Variants in MC2R observed in about 807,000 individuals in gnomAD.
MC2R encodes melanocortin 2 receptor, also known as adrenocorticotropic hormone receptor.
In MC2R, 9 loss-of-function variants were observed where a neutral mutation model predicts 9.8. The observed-to-expected ratio is 0.92, with a 90% CI of 0.55 to 1.60. MC2R has a LOEUF of 1.60. Among genes scored for constraint, MC2R ranks in the 40% most tolerant of loss-of-function variants. The pLI is 0.00. For missense variants in MC2R, 370 were observed against 389.0 expected, an observed-to-expected ratio of 0.95 and a Z score of 0.41; for synonymous variants, 185 against 154.7, an observed-to-expected ratio of 1.20 and a Z score of -1.45.
rs2045254560 is a variant in MC2R, at chr18:13,883,915, A to G, written c.*710T>C. 6.5e-6 allele frequency: 1 copy of G among 154,152 alleles called. No individual in the cohort carries two copies. Among genetic ancestry groups the G allele is most frequent in the African/African-American group, 2.4e-5 (1 of 41,464 alleles). The allele number at this position is 154,152 out of a possible 1,614,324, so 9.5% of individuals were successfully genotyped here. ...CAGTGGGATACTGAGTGAGCAAAGAAGACTAACAGAGAAGGTCCATTTATC... is the reference window on the plus strand; with the variant it reads ...CAGTGGGATACTGAGTGAGCAAAGAGGACTAACAGAGAAGGTCCATTTATC... On this transcript the variant is annotated 3_prime_UTR_variant, in exon 2 of 2. Transcript: ENST00000327606.
chr18:13,885,116 C>A lies in MC2R; in HGVS notation c.403G>T (p.Ala135Ser), dbSNP rs764887426. 9 of 1,614,068 alleles carry A rather than the reference C, an allele frequency of 5.6e-6. No homozygotes were observed. The South Asian group carries it at 9.9e-5, about 18-fold the overall frequency. ...GTCACGATGCTGTGGTACCGCAGTG[C>A]GTGGAAGATGGTGATGTAGCGGTCC... Reference protein sequence around the residue: ...AADRYITIFHALRYHSIVTMR... With the variant: ...AADRYITIFHSLRYHSIVTMR... Residue 135 changes from alanine to serine, a missense_variant, in exon 2 of 2, where the codon GCA becomes TCA. Coordinates refer to ENST00000327606, the MANE Select transcript of MC2R (RefSeq NM_000529.2).
At position 13,884,683 on chromosome 18, in the gene MC2R, C is replaced by A. The variant is rs781388223; in HGVS notation, c.836G>T (p.Arg279Leu). The A allele has an allele frequency of 2.3e-5, 37 of 1,614,038 alleles. No homozygotes were observed. Among genetic ancestry groups the A allele is most frequent in the Non-Finnish European group, 3.0e-5 (35 of 1,180,024 alleles). ...AVIDPFIYAF[R>L]SPELRDAFKK... ...GAATGCGTCCCTGAGCTCTGGGCTC[C>A]GGAAGGCATATATGAAGGGGTCAAT... Residue 279 changes from arginine to leucine, a missense_variant, in exon 2 of 2, where the codon CGG becomes CTG. Coordinates refer to ENST00000327606, the MANE Select transcript of MC2R (RefSeq NM_000529.2).
Position 13,884,472 on chromosome 18 carries a change from C to A in MC2R, c.*153G>T. ...CTACAATAAGACTGTTCACATAGAA[C>A]CTAGCTATTAGAAACACTAGCTGGT... On this transcript the variant is annotated 3_prime_UTR_variant, in exon 2 of 2. Transcript: ENST00000327606. 1 of 818,540 alleles carries A rather than the reference C, an allele frequency of 1.2e-6. No individual in the cohort carries two copies. The highest frequency in any genetic ancestry group is 2.0e-6 in the Non-Finnish European group (1 of 488,990). The allele number at this position is 818,540 out of a possible 1,614,324, so 50.7% of individuals were successfully genotyped here. A position where few individuals can be genotyped will look rare whatever the true frequency, so the allele number is the denominator to read the frequency against.
intron 1 of MC2R, among the ~76,000 whole-genome samples, chr18:13,893,320 T>A (rs545223875): frequency 1.3e-5 from 2 of 152,340 alleles, no homozygotes; most frequent in South Asian, 4.1e-4. Context: ...GTATTGATAG[T>A]GAAAGTCAGA....
In MC2R at chr18:13,911,800, T is replaced by C. The variant is rs1405287698; in HGVS notation, c.-129+3688A>G. On this transcript the variant is annotated intron_variant, in intron 1 of 1. Transcript: ENST00000327606. Reference sequence around the variant, plus strand: ...GATCTTTTGGGGGCTTTAATCCAAGTAATCACTTAAAGAATTGGCAGTTTT... The same window carrying C: ...GATCTTTTGGGGGCTTTAATCCAAGCAATCACTTAAAGAATTGGCAGTTTT... Among the ~76,000 whole-genome samples, 5 of 152,300 alleles carry C rather than the reference T, an allele frequency of 3.3e-5. No homozygotes were observed. In the East Asian group the frequency reaches 9.6e-4, roughly 29 times the overall value.
intron 1 of MC2R, among the ~76,000 whole-genome samples, chr18:13,899,843 A>G (rs2045368351): frequency 6.6e-6 from 1 of 152,188 alleles, no homozygotes; most frequent in African/African-American, 2.4e-5. Flanking sequence ...GAACTGTTCT[A>G]CAAGAAATGC....
In MC2R at chr18:13,882,914, A is replaced by C. The variant is rs2045241915; in HGVS notation, c.*1711T>G. The C allele has an allele frequency of 6.6e-6, 1 of 152,232 alleles. No homozygotes were observed. Among genetic ancestry groups the C allele is most frequent in the African/African-American group, 2.4e-5 (1 of 41,468 alleles). The allele number at this position is 152,232 out of a possible 1,614,324, so 9.4% of individuals were successfully genotyped here. On this transcript the variant is annotated 3_prime_UTR_variant, in exon 2 of 2. Coordinates refer to ENST00000327606, the MANE Select transcript of MC2R (RefSeq NM_000529.2). ...TCATTTGGCAGGGGAAGGATCAAAC[A>C]GGGAAGGATTTCTACAGAACAGAGG...
rs188595348 is a variant in MC2R, at chr18:13,887,343, G to A, written c.-128-1697C>T. Among the ~76,000 whole-genome samples the A allele has an allele frequency of 1.7e-3, 198 of 118,908 alleles. 7 individuals are homozygous for A. The South Asian group carries it at 0.049, about 29-fold the overall frequency. 78.0% of individuals were successfully genotyped at this position (118,908 alleles called of 152,430 possible). ...CTCAGGGATGGCAGGGGAAGCCTGT[G>A]TGCTGTGTCCCACCTGCTGGGGAAG... On this transcript the variant is annotated intron_variant, in intron 1 of 1. Transcript: ENST00000327606.
rs1302560325 is a variant in MC2R at position 13,882,848 on chromosome 18, CAT to C, written c.*1775_*1776del. The C allele has an allele frequency of 6.6e-6, 1 of 152,168 alleles. No individual in the cohort carries two copies. The highest frequency in any genetic ancestry group is 6.5e-5 in the Admixed American group (1 of 15,278). The allele number at this position is 152,168 out of a possible 1,614,324, so 9.4% of individuals were successfully genotyped here. A position where few individuals can be genotyped will look rare whatever the true frequency, so the allele number is the denominator to read the frequency against. The stretch of plus-strand genomic sequence containing the variant: ...ATGAAAAATTAACTTATATATATCT[CAT>C]ATATTAATTAATACAGGTTAGTATT... On this transcript the variant is annotated 3_prime_UTR_variant, in exon 2 of 2. Transcript: ENST00000327606.
intron 1 of MC2R, among the ~76,000 whole-genome samples, chr18:13,886,414 G>T (rs1434230262): frequency 1.3e-5 from 2 of 152,180 alleles, no homozygotes. Flanking sequence ...AACAGCAGCG[G>T]TGCCCTTGAT....
intron 1 of MC2R, among the ~76,000 whole-genome samples, chr18:13,888,086 T>G (rs1011376338): frequency 4.0e-5 from 6 of 151,168 alleles, no homozygotes; most frequent in Non-Finnish European, 7.4e-5. Flanking sequence ...ATTTCCAATT[T>G]CAGATGCATT....
intron 1 of MC2R, among the ~76,000 whole-genome samples, chr18:13,907,871 G>A (rs2045422439): frequency 6.6e-6 from 1 of 151,976 alleles, no homozygotes; most frequent in African/African-American, 2.4e-5. Context: ...ATCCAAAAAC[G>A]GGCGATATCG....
chr18:13,885,794 C>T (rs1178001536), intron 1 of MC2R, 148 bp from the exon 2 acceptor site: 5 of 457,296 alleles, frequency 1.1e-5, no homozygotes, highest in East Asian at 4.2e-5. Flanking sequence ...TTTATTGCAG[C>T]ACTAGTGACA....
At chr18:13,914,397 A>T (rs1317876930) in intron 1 of MC2R, among the ~76,000 whole-genome samples, 1 of 152,198 alleles carries the variant, frequency 6.6e-6, no homozygotes, top group African/African-American at 2.4e-5. Context: ...TAGGCTTGCA[A>T]CAAGGCCCAG....
At chr18:13,886,468 G>A (rs998437816) in intron 1 of MC2R, among the ~76,000 whole-genome samples, 6 of 152,326 alleles carry the variant, frequency 3.9e-5, no homozygotes, top group Middle Eastern at 3.4e-3. Context: ...GGGAGCAGGA[G>A]AGCCCACAGC....
chr18:13,889,509 GT>G (rs2045301005), intron 1 of MC2R, among the ~76,000 whole-genome samples: 2 of 152,226 alleles, frequency 1.3e-5, no homozygotes, highest in South Asian at 4.1e-4. Context: ...ACCGACTTTT[GT>G]TTTTTGGCTG....
At chr18:13,912,272 G>A (rs369369922) in intron 1 of MC2R, among the ~76,000 whole-genome samples, 3 of 152,312 alleles carry the variant, frequency 2.0e-5, no homozygotes, top group South Asian at 4.1e-4. Context: ...AAGGGTAGGT[G>A]TTCCTATTTC....
chr18:13,897,643 G>A (rs1021913007), intron 1 of MC2R, among the ~76,000 whole-genome samples: 24 of 152,068 alleles, frequency 1.6e-4, no homozygotes, highest in African/African-American at 5.8e-4. Context: ...AGAGAAGGAA[G>A]AGTAGGGAGG....
intron 1 of MC2R, among the ~76,000 whole-genome samples, chr18:13,889,797 CTGT>C (rs1479525026): frequency 6.6e-6 from 1 of 152,120 alleles, no homozygotes; most frequent in Non-Finnish European, 1.5e-5. Flanking sequence ...GTGTCCTGTG[CTGT>C]GCATGGTGGG....
Sources: gnomAD v4.1 joint callset for allele counts (sites outside exome capture counted in the v4.1 genomes callset) on GRCh38, gnomAD v4.1.1 for gene constraint, MANE v1.5 for transcripts, NCBI Gene and HGNC (gene_info 2026-07-23, HGNC 2026-07-21) for gene names.